BTN3A3: variants seen among roughly 807,000 people sequenced by gnomAD.
BTN3A3 encodes the protein butyrophilin subfamily 3 member A3.
A neutral mutation model predicts 43.2 loss-of-function variants in BTN3A3; 39 were observed. The observed-to-expected ratio is 0.90, with a 90% CI of 0.70 to 1.18. The LOEUF is 1.18. BTN3A3 is among the 50% of genes most tolerant of loss of function. BTN3A3 has a pLI of 0.00. For synonymous variants in BTN3A3, 255 were observed against 272.7 expected (o/e 0.93, Z 0.64); for missense variants, 631 against 722.8 (o/e 0.87, Z 1.46).
In BTN3A3 at chr6:26,451,937, G is replaced by A. The variant is rs140664333; in HGVS notation, c.1281G>A (p.Pro427=). 137 of 1,614,104 alleles carry A rather than the reference G, an allele frequency of 8.5e-5. No individual in the cohort carries two copies. The highest frequency in any genetic ancestry group is 8.0e-4 in the African/African-American group (60 of 75,006). Residue 427 remains proline, a synonymous_variant, in exon 11 of 11, where the codon CCG becomes CCA. Transcript: ENST00000244519. The stretch of plus-strand genomic sequence containing the variant: ...AAAAAGGTTGGGTCAAAATGACACC[G>A]GAGAACGGATACTGGACTATGGGCC... ...ERKKGWVKMT[P]ENGYWTMGLT...
chr6:26,452,071 T>G lies in BTN3A3; in HGVS notation c.1415T>G (p.Ile472Ser), dbSNP rs1324073027. ...GIFLDYETGE[I>S]SFYNATDGSH... ...TTCCTGGACTATGAGACTGGAGAGA[T>G]CTCGTTCTATAATGCCACAGATGGA... Residue 472 changes from isoleucine to serine, a missense_variant, in exon 11 of 11, where the codon ATC becomes AGC. Coordinates refer to ENST00000244519, the MANE Select transcript of BTN3A3 (RefSeq NM_006994.5). The G allele has an allele frequency of 5.0e-6, 8 of 1,614,060 alleles. No homozygotes were observed. The highest frequency in any genetic ancestry group is 6.8e-6 in the Non-Finnish European group (8 of 1,179,992).
Position 26,449,649 on chromosome 6 carries a change from T to C in BTN3A3, c.965-13T>C. On this transcript the variant is annotated splice_polypyrimidine_tract_variant and intron_variant, in intron 8 of 10. Transcript: ENST00000244519. ...AGTGTTCAGGTGACACCTCTATCTT[T>C]CTTTCATTGTAGGTGGAGAGAAGTC... is the stretch of plus-strand genomic sequence containing the variant. 6.2e-7 allele frequency: 1 copy of C among 1,614,178 alleles called. No homozygotes were observed. Among genetic ancestry groups the C allele is most frequent in the Non-Finnish European group, 8.5e-7 (1 of 1,179,994 alleles).
chr6:26,451,841 T>G lies in BTN3A3; in HGVS notation c.1185T>G (p.His395Gln). 2 of 1,614,020 alleles carry G rather than the reference T, an allele frequency of 1.2e-6. No individual in the cohort carries two copies. Among genetic ancestry groups the G allele is most frequent in the East Asian group, 2.2e-5 (1 of 44,878 alleles). The change falls in exon 11 of 11, where the codon CAT becomes CAG. Residue 395 changes from histidine to glutamine, a missense_variant. Around this residue, in one of 2 missense-constraint regions of BTN3A3, gnomAD observed 551 missense variants for 584.0 expected, o/e 0.94. Coordinates refer to ENST00000244519, the MANE Select transcript of BTN3A3 (RefSeq NM_006994.5). ...GTGAAAACTTCACATCAGGGAGACA[T>G]TACTGGGAGGTGGAAGTGGGGGACA... ...LGCENFTSGR[H>Q]YWEVEVGDRK...
intron 3 of BTN3A3, 130 bp from the exon 4 acceptor site, chr6:26,443,827 T>A: frequency 1.4e-6 from 2 of 1,479,606 alleles, no homozygotes; most frequent in Non-Finnish European, 1.9e-6. Context: ...AAGAGACAAA[T>A]GGTCCTTCTG....
intron 5 of BTN3A3, 96 bp from the exon 6 acceptor site, chr6:26,448,152 G>A (rs1762830256): frequency 2.2e-6 from 3 of 1,381,850 alleles, no homozygotes; most frequent in Non-Finnish European, 2.9e-6. Flanking sequence ...TGGATTCCAT[G>A]CCCCCAACCT....
chr6:26,444,666 G>A (rs142404962), intron 4 of BTN3A3: 72 of 408,368 alleles, frequency 1.8e-4, no homozygotes, highest in Non-Finnish European at 3.1e-4. Context: ...GCACGTTACC[G>A]TGGGTCCTGG....
At chr6:26,449,751 C>T in intron 9 of BTN3A3, 63 bp downstream of exon 9, 2 of 1,587,610 alleles carry the variant, frequency 1.3e-6, no homozygotes, top group East Asian at 2.2e-5. Context: ...TCAACTTTTT[C>T]TCTGCTGTGA....
intron 5 of BTN3A3, 67 bp from the exon 6 acceptor site, chr6:26,448,181 T>C: frequency 6.4e-7 from 1 of 1,564,536 alleles, no homozygotes; most frequent in Admixed American, 1.8e-5. Context: ...CAGCTAAAGC[T>C]TGGGGTGCTG....
chr6:26,448,689 G>A (rs754678276), intron 7 of BTN3A3, 39 bp from the exon 8 acceptor site: 6 of 1,613,826 alleles, frequency 3.7e-6, no homozygotes, highest in Non-Finnish European at 5.1e-6. Context: ...TCCCCACTTT[G>A]AGCACCTTGA....
intron 4 of BTN3A3, chr6:26,444,909 G>A (rs1561861197): frequency 5.9e-6 from 1 of 170,062 alleles, no homozygotes; most frequent in East Asian, 1.6e-4. Context: ...TTCTCTGGAT[G>A]AGATACTGTC....
At chr6:26,443,048 T>C (rs1762682055) in intron 1 of BTN3A3, among the ~76,000 whole-genome samples, 1 of 152,196 alleles carries the variant, frequency 6.6e-6, no homozygotes, top group African/African-American at 2.4e-5. Context: ...ATCTTTGTGA[T>C]TAAACGTGGT....
At chr6:26,450,693 C>T (rs756052642) in intron 10 of BTN3A3, among the ~76,000 whole-genome samples, 10 of 151,960 alleles carry the variant, frequency 6.6e-5, no homozygotes, top group African/African-American at 2.2e-4. Flanking sequence ...AAAAGGTTTG[C>T]GGAAAGGAGG....
chr6:26,450,559 C>A (rs1037461834), intron 10 of BTN3A3, among the ~76,000 whole-genome samples: 1 of 152,180 alleles, frequency 6.6e-6, no homozygotes, highest in Admixed American at 6.5e-5. Flanking sequence ...TTCGCCTCCA[C>A]ATTTTTAAAT....
At chr6:26,444,981 A>G in intron 4 of BTN3A3, 1 of 163,158 alleles carries the variant, frequency 6.1e-6, no homozygotes, top group Admixed American at 5.5e-5. Context: ...TCTAGGAGGA[A>G]GGAGACTAGG....
chr6:26,449,579 T>C, intron 8 of BTN3A3, 83 bp from the exon 9 acceptor site: 1 of 1,482,062 alleles, frequency 6.7e-7, no homozygotes, highest in East Asian at 2.3e-5. Flanking sequence ...AAAGAAAGTC[T>C]AGATGGATGC....
intron 8 of BTN3A3, 27 bp from the exon 9 acceptor site, chr6:26,449,635 G>C: frequency 3.7e-6 from 6 of 1,614,056 alleles, no homozygotes; most frequent in Admixed American, 1.7e-5. Context: ...GTGTTCAGGT[G>C]ACACCTCTAT....
chr6:26,444,324 T>C lies in BTN3A3; in HGVS notation c.433+20T>C. On this transcript the variant is annotated intron_variant, in intron 4 of 10. Transcript: ENST00000244519. Reference sequence around the variant, plus strand: ...TTGCAGGTGAGCCTCCAGGTTTTGTTCTGAGAACACTTCTCTGTAGGATCT... The same window carrying C: ...TTGCAGGTGAGCCTCCAGGTTTTGTCCTGAGAACACTTCTCTGTAGGATCT... 3 of 1,612,028 alleles carry C rather than the reference T, an allele frequency of 1.9e-6. No individual in the cohort carries two copies. The Admixed American group carries it at 5.0e-5, about 27-fold the overall frequency.
At position 26,452,651 on chromosome 6, in the gene BTN3A3, C is replaced by A. The variant is rs1020035915; in HGVS notation, c.*240C>A. On this transcript the variant is annotated 3_prime_UTR_variant, in exon 11 of 11. Coordinates refer to ENST00000244519, the MANE Select transcript of BTN3A3 (RefSeq NM_006994.5). ...TGTCACTCCTTTAATCCTCACAACA[C>A]CCTGTCGGGTAGTCATATTTTGCAA... is the stretch of plus-strand genomic sequence containing the variant. 1 of 470,648 alleles carries A rather than the reference C, an allele frequency of 2.1e-6. No individual in the cohort carries two copies. Among genetic ancestry groups the A allele is most frequent in the Non-Finnish European group, 3.7e-6 (1 of 267,464 alleles). 29.2% of individuals were successfully genotyped at this position (470,648 alleles called of 1,614,324 possible).
At chr6:26,451,328 C>T (rs1230308195) in intron 10 of BTN3A3, among the ~76,000 whole-genome samples, 5 of 152,044 alleles carry the variant, frequency 3.3e-5, no homozygotes, top group African/African-American at 7.3e-5. Context: ...AGTTCATAAG[C>T]GGTCGAGTGA....
Sources: allele counts gnomAD v4.1 joint callset (sites outside exome capture counted in the v4.1 genomes callset), GRCh38; gene constraint gnomAD v4.1.1; regional missense constraint gnomAD v4.1.1; transcripts MANE v1.5; gene names NCBI Gene and HGNC (gene_info 2026-07-23, HGNC 2026-07-21).